Variants in RPTOR observed in about 807,000 individuals in gnomAD.
The protein encoded by RPTOR is regulatory associated protein of MTOR complex 1.
A neutral mutation model predicts 169.9 loss-of-function variants in RPTOR; 21 were observed. The observed-to-expected ratio is 0.12, with a 90% confidence interval of 0.09 to 0.18. The LOEUF (loss-of-function observed/expected upper bound fraction) is 0.18, where lower values mean the gene tolerates loss of function less well. Ranked by LOEUF, RPTOR falls within the 10% of genes least tolerant of loss-of-function variation. The pLI, the probability that RPTOR is intolerant of heterozygous loss-of-function variation, is 1.00. For missense variants in RPTOR, 1,133 were observed against 1,855.9 expected (o/e 0.61, Z 7.16); for synonymous variants, 732 against 753.2 (o/e 0.97, Z 0.46).
intron 3 of RPTOR, among the ~76,000 whole-genome samples, chr17:80,705,232 C>G (rs564292300): frequency 6.6e-6 from 1 of 152,274 alleles, no homozygotes; most frequent in Non-Finnish European, 1.5e-5. Flanking sequence ...AGCTCTCTCT[C>G]AAGTCTCCTT....
intron 21 of RPTOR, among the ~76,000 whole-genome samples, chr17:80,912,871 C>CA (rs777262656): frequency 4.6e-5 from 7 of 152,272 alleles, no homozygotes; most frequent in Non-Finnish European, 7.4e-5. Flanking sequence ...TAGAATGACA[C>CA]AGAGACCTTA....
At chr17:80,841,804 A>ACTCACCGCACGGCAGCTCACT (rs2067667673) in intron 10 of RPTOR, among the ~76,000 whole-genome samples, 2 of 39,808 alleles carry the variant, frequency 5.0e-5, no homozygotes, top group Non-Finnish European at 9.8e-5. Context: ...GGCAGCTCAC[A>ACTCACCGCACGGCAGCTCACT]CTCACCGCAC....
chr17:80,933,472 A>C (rs1205181227), intron 24 of RPTOR, among the ~76,000 whole-genome samples: 3 of 152,252 alleles, frequency 2.0e-5, no homozygotes, highest in Non-Finnish European at 4.4e-5. Flanking sequence ...AATGATACTA[A>C]AGAAGACTTA....
intron 24 of RPTOR, among the ~76,000 whole-genome samples, chr17:80,928,381 TA>T (rs2068837421): frequency 6.6e-6 from 1 of 152,186 alleles, no homozygotes; most frequent in South Asian, 2.1e-4. Context: ...GCTTCACATG[TA>T]AACTAAAAAT....
chr17:80,691,530 C>T (rs932397788), intron 3 of RPTOR, among the ~76,000 whole-genome samples: 10 of 152,158 alleles, frequency 6.6e-5, no homozygotes, highest in Admixed American at 5.2e-4. Flanking sequence ...GCATGACTTA[C>T]TCTATTCGTT....
chr17:80,955,390 G>A (rs2069235328), intron 28 of RPTOR, among the ~76,000 whole-genome samples: 1 of 152,234 alleles, frequency 6.6e-6, no homozygotes, highest in South Asian at 2.1e-4. Context: ...AAAGGATGCA[G>A]TGATACCCCT....
Position 80,964,359 on chromosome 17 carries a change from G to A in RPTOR, c.*29G>A, listed in dbSNP as rs1378095435. On this transcript the variant is annotated 3_prime_UTR_variant, in exon 34 of 34. Coordinates refer to ENST00000306801, the MANE Select transcript of RPTOR (RefSeq NM_020761.3). ...CGTGACCCGGGCCCACCAGGCCACG[G>A]CCGCCTGCTGTACATAGTGAAGCTG... 4 of 1,599,614 alleles carry A rather than the reference G, an allele frequency of 2.5e-6. No individual in the cohort carries two copies. Among genetic ancestry groups the A allele is most frequent in the East Asian group, 4.5e-5 (2 of 44,834 alleles).
rs1319012637 is a variant in RPTOR, at chr17:80,633,410, G to A, written c.265+7617G>A. On this transcript the variant is annotated intron_variant, in intron 2 of 33. Transcript: ENST00000306801. The surrounding 1 kb of genome is among the most constrained non-coding windows in gnomAD (Gnocchi z 4.1). Reference sequence around the variant, plus strand: ...CGCCATCCTAACTTCCTCTCACTCAGTCTGAAGCAGTTCCACAGGCATTCC... The same window carrying A: ...CGCCATCCTAACTTCCTCTCACTCAATCTGAAGCAGTTCCACAGGCATTCC... 1.3e-5 allele frequency among the ~76,000 whole-genome samples: 2 copies of A among 152,232 alleles called. No individual in the cohort carries two copies. The highest frequency in any genetic ancestry group is 2.9e-5 in the Non-Finnish European group (2 of 68,054).
intron 13 of RPTOR, among the ~76,000 whole-genome samples, chr17:80,859,250 G>A (rs1331209811): frequency 2.6e-5 from 4 of 152,250 alleles, no homozygotes; most frequent in African/African-American, 4.8e-5. Flanking sequence ...AGGCTCAGCT[G>A]CGGGAGAACT....
intron 24 of RPTOR, among the ~76,000 whole-genome samples, chr17:80,931,045 G>A (rs1013933357): frequency 1.4e-4 from 22 of 152,202 alleles, no homozygotes; most frequent in Non-Finnish European, 2.6e-4. Flanking sequence ...CATTCTTAGA[G>A]AGTTTCATCC....
chr17:80,856,057 G>A (rs1433326027), intron 12 of RPTOR, among the ~76,000 whole-genome samples: 3 of 152,168 alleles, frequency 2.0e-5, no homozygotes, highest in African/African-American at 4.8e-5. Context: ...ATCAAGAAGC[G>A]ACGTGCGTTT....
chr17:80,711,744 C>CTTTTTTTTTTCTTTTTTTTTTTTT (rs2066193344), intron 4 of RPTOR, among the ~76,000 whole-genome samples: 1 of 88,852 alleles, frequency 1.1e-5, no homozygotes, highest in African/African-American at 6.4e-5. Flanking sequence ...ATACATCAGT[C>CTTTTTTTTTTCTTTTTTTTTTTTT]TTTTTTTTTT....
intron 10 of RPTOR, among the ~76,000 whole-genome samples, chr17:80,840,007 C>G (rs1288341071): frequency 6.6e-6 from 1 of 152,146 alleles, no homozygotes; most frequent in Non-Finnish European, 1.5e-5. Flanking sequence ...CACTAGGTTC[C>G]TTTTGTTTTT....
intron 20 of RPTOR, among the ~76,000 whole-genome samples, chr17:80,901,147 G>A (rs2068471367): frequency 1.3e-5 from 2 of 152,190 alleles, no homozygotes; most frequent in Non-Finnish European, 2.9e-5. Flanking sequence ...GCTCTTGTCT[G>A]TGATGAGTGA....
At chr17:80,815,711 A>G (rs1292390483) in intron 7 of RPTOR, among the ~76,000 whole-genome samples, 2 of 152,276 alleles carry the variant, frequency 1.3e-5, no homozygotes, top group Non-Finnish European at 2.9e-5. Flanking sequence ...GGGTAATAAA[A>G]GAAAAAGAAA....
chr17:80,922,668 G>A (rs915708754), intron 21 of RPTOR, 56 bp from the exon 22 acceptor site: 26 of 1,392,734 alleles, frequency 1.9e-5, no homozygotes, highest in East Asian at 5.0e-5. Flanking sequence ...TTCGTGTGGC[G>A]GCCTCCGCGG....
Position 80,953,815 on chromosome 17 carries a change from G to A in RPTOR, c.3371-3809G>A, listed in dbSNP as rs539201789. 6.6e-5 allele frequency among the ~76,000 whole-genome samples: 10 copies of A among 152,332 alleles called. 1 individual carries two copies. The East Asian group carries it at 1.9e-3, about 29-fold the overall frequency. On this transcript the variant is annotated intron_variant, in intron 28 of 33. Coordinates refer to ENST00000306801, the MANE Select transcript of RPTOR (RefSeq NM_020761.3). ...CTTCTGGGCAGAAACGGGGAAGTATGTGCCCTCCCGCCCGGTTGCACACCG... is the reference window on the plus strand; with the variant it reads ...CTTCTGGGCAGAAACGGGGAAGTATATGCCCTCCCGCCCGGTTGCACACCG...
intron 6 of RPTOR, among the ~76,000 whole-genome samples, chr17:80,771,891 C>T (rs1370077416): frequency 1.3e-5 from 2 of 152,242 alleles, no homozygotes; most frequent in Non-Finnish European, 2.9e-5. Flanking sequence ...GCAGTCACAG[C>T]TCACTGCAGC....
At chr17:80,598,887 TCTATCTA>T (rs2065164737) in intron 1 of RPTOR, among the ~76,000 whole-genome samples, 15 of 119,782 alleles carry the variant, frequency 1.3e-4, no homozygotes, top group African/African-American at 3.2e-4. Context: ...ATTCTTTCTA[TCTATCTA>T]TCTATCTATC....
Sources: allele counts gnomAD v4.1 joint callset (sites outside exome capture counted in the v4.1 genomes callset), GRCh38; gene constraint gnomAD v4.1.1; non-coding constraint Gnocchi (gnomAD v3.1); transcripts MANE v1.5; gene names NCBI Gene and HGNC (gene_info 2026-07-23, HGNC 2026-07-21).